Variants in MGST1 observed in about 807,000 individuals in gnomAD.
MGST1 encodes microsomal glutathione S-transferase 1.
A neutral mutation model predicts 8.9 loss-of-function variants in MGST1; 5 were observed. The ratio of observed to expected loss-of-function variants is 0.56; its 90% confidence interval spans 0.29 to 1.19. MGST1 has a LOEUF of 1.19. Ranked by LOEUF, MGST1 falls within the 50% of genes most tolerant of loss-of-function variation. The pLI, the probability that MGST1 is intolerant of heterozygous loss-of-function variation, is 0.08. For missense variants in MGST1, 182 were observed against 187.4 expected (o/e 0.97, Z 0.17); for synonymous variants, 54 against 67.8 (o/e 0.80, Z 1.00).
intron 4 of MGST1, among the ~76,000 whole-genome samples, chr12:16,454,049 A>G (rs2137116086): frequency 6.6e-6 from 1 of 152,048 alleles, no homozygotes; most frequent in Non-Finnish European, 1.5e-5. Context: ...GTTGGTAGGA[A>G]CTTTAGAAAC....
Position 16,586,343 on chromosome 12 carries a change from A to G in MGST1, n.483-3185A>G, listed in dbSNP as rs1392823893. On this transcript the variant is annotated intron_variant and non_coding_transcript_variant, in intron 4 of 4. Coordinates refer to the MGST1 transcript ENST00000538857. The surrounding 1 kb of genome is among the most constrained non-coding windows in gnomAD (Gnocchi z 4.3). ...GGAACAACTAAGAAACAACTAAAAC[A>G]CGTGCATGAATGGAGAACCACTGCA... 6.6e-6 allele frequency among the ~76,000 whole-genome samples: 1 copy of G among 152,172 alleles called. No individual in the cohort carries two copies. The highest frequency in any genetic ancestry group is 6.5e-5 in the Admixed American group (1 of 15,268).
chr12:16,399,963 A>G (rs1289001871), intron 1 of MGST1: 3 of 1,345,754 alleles, frequency 2.2e-6, no homozygotes, highest in African/African-American at 1.4e-5. Context: ...TTACCAGCGC[A>G]CTACTAGTGG....
chr12:16,354,100 C>A, intron 1 of MGST1, 131 bp from the exon 2 acceptor site: 1 of 701,644 alleles, frequency 1.4e-6, no homozygotes, highest in Non-Finnish European at 2.2e-6. Flanking sequence ...ACAATCATTT[C>A]TTCTGCAAAT....
In MGST1 at chr12:16,425,280, T is replaced by C. The variant is rs1940876293; in HGVS notation, n.779-12108T>C. On this transcript the variant is annotated intron_variant and non_coding_transcript_variant, in intron 1 of 1. Coordinates refer to the MGST1 transcript ENST00000359720. ...AATATTTTTGGAAACTAGTGGGTTT[T>C]TTATTATGTATTTATTTATTTAGAG... Among the ~76,000 whole-genome samples the C allele has an allele frequency of 6.6e-5, 10 of 152,128 alleles. No homozygotes were observed. In the South Asian group the frequency reaches 2.1e-3, roughly 32 times the overall value.
At position 16,559,994 on chromosome 12, in the gene MGST1, A is replaced by T. The variant is rs1162992323; in HGVS notation, n.483-29534A>T. On this transcript the variant is annotated intron_variant and non_coding_transcript_variant, in intron 4 of 4. Transcript: ENST00000538857. The surrounding 1 kb of genome is among the most constrained non-coding windows in gnomAD (Gnocchi z 4.1). ...AAAAACAAAAACATGAGGGATAAGG[A>T]ATTTAAAATATAAAAAATAATAAGA... Among the ~76,000 whole-genome samples, 1 of 152,046 alleles carries T rather than the reference A, an allele frequency of 6.6e-6. No individual in the cohort carries two copies. The highest frequency in any genetic ancestry group is 1.5e-5 in the Non-Finnish European group (1 of 68,010).
At chr12:16,532,111 G>A (rs1270366365) in intron 4 of MGST1, among the ~76,000 whole-genome samples, 1 of 152,118 alleles carries the variant, frequency 6.6e-6, no homozygotes, top group Non-Finnish European at 1.5e-5. Flanking sequence ...AGGTGTTGAT[G>A]CTCAGGACAG....
intron 4 of MGST1, among the ~76,000 whole-genome samples, chr12:16,446,117 C>A (rs1165956484): frequency 1.3e-5 from 2 of 151,892 alleles, no homozygotes; most frequent in Non-Finnish European, 2.9e-5. Context: ...GCTTTATACT[C>A]CCTCTGGGTG....
At chr12:16,454,257 C>G (rs1941151920) in intron 4 of MGST1, among the ~76,000 whole-genome samples, 1 of 151,816 alleles carries the variant, frequency 6.6e-6, no homozygotes, top group African/African-American at 2.4e-5. Flanking sequence ...CTATTTTTTC[C>G]TGGTAGGCAA....
intron 3 of MGST1, chr12:16,360,404 T>C (rs1939936420): frequency 8.2e-6 from 8 of 974,934 alleles, no homozygotes; most frequent in Non-Finnish European, 9.8e-6. Context: ...TTGTGAAAGT[T>C]AATACATACA....
At chr12:16,425,290 A>G (rs545411124) in intron 1 of MGST1, among the ~76,000 whole-genome samples, 31 of 152,080 alleles carry the variant, frequency 2.0e-4, no homozygotes, top group Non-Finnish European at 4.3e-4. Context: ...TTTATTATGT[A>G]TTTATTTATT....
chr12:16,514,926 AAG>A (rs1941602218), intron 4 of MGST1, among the ~76,000 whole-genome samples: 1 of 152,234 alleles, frequency 6.6e-6, no homozygotes, highest in African/African-American at 2.4e-5. Context: ...ACTTTTCTCA[AAG>A]AGTTTACATG....
rs1325240944 is a variant in MGST1, at chr12:16,500,622, G to A, written n.483-88906G>A. 6.6e-6 allele frequency among the ~76,000 whole-genome samples: 1 copy of A among 152,136 alleles called. No homozygotes were observed. Among genetic ancestry groups the A allele is most frequent in the African/African-American group, 2.4e-5 (1 of 41,446 alleles). Reference sequence around the variant, plus strand: ...AGATTTAGGTCAAAATTAACTTAGAGTCGTTTTTGACAAAGCAGAGACTTA... The same window carrying A: ...AGATTTAGGTCAAAATTAACTTAGAATCGTTTTTGACAAAGCAGAGACTTA... On this transcript the variant is annotated intron_variant and non_coding_transcript_variant, in intron 4 of 4. Transcript: ENST00000538857. This position sits in a 1 kb window ranked among gnomAD's most constrained non-coding sequence, Gnocchi z 4.3.
chr12:16,378,564 T>C (rs1187072735), downstream of MGST1, among the ~76,000 whole-genome samples: 7 of 151,840 alleles, frequency 4.6e-5, no homozygotes, highest in East Asian at 1.4e-3. Context: ...GTAGTATAGT[T>C]TGAAGTCAGG....
chr12:16,398,197 G>C (rs1940622428), intron 1 of MGST1, among the ~76,000 whole-genome samples: 1 of 151,648 alleles, frequency 6.6e-6, no homozygotes, highest in South Asian at 2.1e-4. Flanking sequence ...TAAAATCCGA[G>C]ACCCCTCCCC....
chr12:16,565,038 A>G (rs1942548097), intron 4 of MGST1, among the ~76,000 whole-genome samples: 1 of 152,046 alleles, frequency 6.6e-6, no homozygotes, highest in Non-Finnish European at 1.5e-5. Context: ...CATCCTCCCA[A>G]CTTGGCCTCC....
At position 16,386,628 on chromosome 12, in the gene MGST1, A is replaced by ATGTT. The variant is rs1940506257; in HGVS notation, n.778+3025_778+3028dup. Among the ~76,000 whole-genome samples the ATGTT allele has an allele frequency of 2.0e-5, 3 of 152,204 alleles. No individual in the cohort carries two copies. In the South Asian group the frequency reaches 6.2e-4, roughly 32 times the overall value. On this transcript the variant is annotated intron_variant and non_coding_transcript_variant, in intron 1 of 1. Coordinates refer to the MGST1 transcript ENST00000359720. Reference sequence around the variant, plus strand: ...CTGATCTTTTGCAGGCCAATGCCTGATGTTACTGTATATGACCAGTATGCC... The same window carrying ATGTT: ...CTGATCTTTTGCAGGCCAATGCCTGATGTTTGTTACTGTATATGACCAGTATGCC...
At chr12:16,439,400 T>C (rs998496110), downstream of MGST1, among the ~76,000 whole-genome samples, 1 of 151,892 alleles carries the variant, frequency 6.6e-6, no homozygotes, top group Non-Finnish European at 1.5e-5. Context: ...TTTGGAGTAG[T>C]GGCTTTATCT....
chr12:16,563,169 A>C (rs908596805), intron 4 of MGST1, among the ~76,000 whole-genome samples: 1 of 152,142 alleles, frequency 6.6e-6, no homozygotes, highest in Non-Finnish European at 1.5e-5. Flanking sequence ...GGAACATTTT[A>C]CTGAACTGTC....
downstream of MGST1, among the ~76,000 whole-genome samples, chr12:16,441,627 C>G (rs1004417546): frequency 6.6e-6 from 1 of 151,736 alleles, no homozygotes; most frequent in Non-Finnish European, 1.5e-5. Context: ...TAGTAGTATG[C>G]ATTTTAGTGT....
Sources: allele counts gnomAD v4.1 joint callset (sites outside exome capture counted in the v4.1 genomes callset), GRCh38; gene constraint gnomAD v4.1.1; non-coding constraint Gnocchi (gnomAD v3.1); transcripts MANE v1.5; gene names NCBI Gene and HGNC (gene_info 2026-07-23, HGNC 2026-07-21).